GLIS3: variants seen among roughly 807,000 people sequenced by gnomAD.
GLIS3 encodes zinc finger protein GLIS3.
A neutral mutation model predicts 78.6 loss-of-function variants in GLIS3; 53 were observed. The observed-to-expected ratio is 0.67, with a 90% CI of 0.54 to 0.85. The LOEUF (loss-of-function observed/expected upper bound fraction) is 0.85. GLIS3 is among the 40% of genes least tolerant of loss of function. The pLI is 0.00. For missense variants in GLIS3, 1,703 were observed against 1,231.1 expected, an observed-to-expected ratio of 1.38 and a Z score of -5.74; for synonymous variants, 684 against 509.9, an observed-to-expected ratio of 1.34 and a Z score of -4.60.
upstream of GLIS3, among the ~76,000 whole-genome samples, chr9:4,350,946 C>T (rs1817963258): frequency 6.6e-6 from 1 of 152,124 alleles, no homozygotes; most frequent in Non-Finnish European, 1.5e-5. Context: ...ATCAATAAAC[C>T]ATTTGTGGCT....
intron 8 of GLIS3, among the ~76,000 whole-genome samples, chr9:3,874,399 C>T (rs896637346): frequency 7.9e-5 from 12 of 152,192 alleles, no homozygotes; most frequent in African/African-American, 2.9e-4. Flanking sequence ...TTGACCTATA[C>T]ATCTTTTCAT....
the GLIS3 span, among the ~76,000 whole-genome samples, chr9:4,421,784 G>A: frequency 6.6e-6 from 1 of 152,142 alleles, no homozygotes; most frequent in Non-Finnish European, 1.5e-5. Context: ...TATGTCCTAG[G>A]TGCTAGTGTT....
chr9:3,907,848 G>A (rs1012809963), intron 6 of GLIS3, among the ~76,000 whole-genome samples: 1 of 152,214 alleles, frequency 6.6e-6, no homozygotes, highest in South Asian at 2.1e-4. Context: ...TGAATCCTTG[G>A]CTCACAGTGG....
At chr9:3,861,342 G>C (rs1378429344) in intron 8 of GLIS3, among the ~76,000 whole-genome samples, 1 of 152,118 alleles carries the variant, frequency 6.6e-6, no homozygotes, top group Non-Finnish European at 1.5e-5. Flanking sequence ...AATTGTAGAA[G>C]CCGTGTGGTG....
chr9:4,483,137 A>C, the GLIS3 span, among the ~76,000 whole-genome samples: 2 of 152,176 alleles, frequency 1.3e-5, no homozygotes, highest in Non-Finnish European at 2.9e-5. Flanking sequence ...AAAAGAATCG[A>C]AGTTAAAGAT....
At chr9:3,988,622 T>A (rs988350767) in intron 4 of GLIS3, among the ~76,000 whole-genome samples, 6 of 152,136 alleles carry the variant, frequency 3.9e-5, no homozygotes, top group Non-Finnish European at 8.8e-5. Context: ...TCAACTGATA[T>A]TTGACAAAGA....
At chr9:4,363,588 T>G in the GLIS3 span, among the ~76,000 whole-genome samples, 1 of 152,202 alleles carries the variant, frequency 6.6e-6, no homozygotes, top group Non-Finnish European at 1.5e-5. Context: ...CAATACATAT[T>G]GCAGCAATAA....
intron 2 of GLIS3, among the ~76,000 whole-genome samples, chr9:4,183,899 T>C (rs547654574): frequency 6.6e-6 from 1 of 152,348 alleles, no homozygotes; most frequent in South Asian, 2.1e-4. Context: ...CCTTCTAATA[T>C]ACTGCTGCTG....
Position 4,299,575 on chromosome 9 carries a change from A to AAAACC in GLIS3, c.-258_-254dup, listed in dbSNP as rs1168406118. 3.9e-5 allele frequency: 6 copies of AAAACC among 152,696 alleles called. No homozygotes were observed. The highest frequency in any genetic ancestry group is 7.2e-5 in the African/African-American group (3 of 41,570). 9.5% of individuals were successfully genotyped at this position (152,696 alleles called of 1,614,324 possible). On this transcript the variant is annotated 5_prime_UTR_variant, in exon 1 of 11. An upstream open reading frame in the 5' UTR loses its in-frame stop. Transcript: ENST00000381971. ...GCGGGCTGTGCCTCCTTCGGAAATG[A>AAAACC]AAACCCCCATCCAAACGGGGGGACG...
At chr9:4,317,465 T>G (rs1461506292) in intron 2 of GLIS3, among the ~76,000 whole-genome samples, 1 of 152,252 alleles carries the variant, frequency 6.6e-6, no homozygotes, top group Non-Finnish European at 1.5e-5. Context: ...GTAATTGGTA[T>G]GTCTTTAGGA....
At chr9:4,201,453 G>T (rs1052563171) in intron 2 of GLIS3, among the ~76,000 whole-genome samples, 2 of 152,142 alleles carry the variant, frequency 1.3e-5, no homozygotes, top group African/African-American at 4.8e-5. Context: ...TCCACCAAAG[G>T]CTCCTAGAAC....
At chr9:4,053,507 AG>A (rs1825889313) in intron 4 of GLIS3, among the ~76,000 whole-genome samples, 1 of 151,956 alleles carries the variant, frequency 6.6e-6, no homozygotes, top group African/African-American at 2.4e-5. Flanking sequence ...CTTCCTTTCT[AG>A]ACTTAAACTC....
intron 2 of GLIS3, among the ~76,000 whole-genome samples, chr9:4,209,629 C>T (rs1352765651): frequency 6.6e-6 from 1 of 152,198 alleles, no homozygotes; most frequent in African/African-American, 2.4e-5. Context: ...TAGCACTTGT[C>T]AGGAGAGGCT....
At chr9:4,060,816 C>T (rs1826584181) in intron 4 of GLIS3, among the ~76,000 whole-genome samples, 1 of 152,188 alleles carries the variant, frequency 6.6e-6, no homozygotes. Context: ...TGGACTAAGA[C>T]ATGTGACATA....
intron 4 of GLIS3, among the ~76,000 whole-genome samples, chr9:4,013,187 T>C (rs1210942366): frequency 6.6e-6 from 1 of 151,950 alleles, no homozygotes; most frequent in East Asian, 1.9e-4. Context: ...ACATCCCACA[T>C]CCCCAACCTC....
chr9:3,975,699 G>C (rs942436276), intron 4 of GLIS3, among the ~76,000 whole-genome samples: 1 of 151,748 alleles, frequency 6.6e-6, no homozygotes, highest in African/African-American at 2.4e-5. Context: ...AAACATATTT[G>C]GTTCTTTTTT....
At chr9:4,220,043 A>G (rs1020581420) in intron 2 of GLIS3, among the ~76,000 whole-genome samples, 2 of 152,232 alleles carry the variant, frequency 1.3e-5, no homozygotes, top group African/African-American at 4.8e-5. Flanking sequence ...GAATTGATCA[A>G]AGAATAATAA....
At chr9:4,249,884 T>C (rs1018308708) in intron 2 of GLIS3, among the ~76,000 whole-genome samples, 1 of 152,192 alleles carries the variant, frequency 6.6e-6, no homozygotes, top group Non-Finnish European at 1.5e-5. Context: ...AACCATGTGG[T>C]TTTTGTCATA....
chr9:4,417,477 G>C, the GLIS3 span, among the ~76,000 whole-genome samples: 1 of 151,998 alleles, frequency 6.6e-6, no homozygotes, highest in African/African-American at 2.4e-5. Context: ...ATATAGTCAC[G>C]TACCATTATT....
Sources: allele counts gnomAD v4.1 joint callset (sites outside exome capture counted in the v4.1 genomes callset), GRCh38; gene constraint gnomAD v4.1.1; transcripts MANE v1.5; gene names NCBI Gene and HGNC (gene_info 2026-07-23, HGNC 2026-07-21).